Variants in CAD observed in about 807,000 individuals in gnomAD.
CAD encodes the protein carbamoyl-phosphate synthetase 2, aspartate transcarbamylase, and dihydroorotase.
CAD carries 81 observed loss-of-function variants against 237.2 expected under a neutral mutation model. The observed-to-expected ratio is 0.34, with a 90% CI of 0.29 to 0.41. CAD has a LOEUF of 0.41. Ranked by LOEUF, CAD falls within the 10% of genes least tolerant of loss-of-function variation. CAD has a pLI of 1.00. For synonymous variants in CAD, 1,196 were observed against 1,162.8 expected, an observed-to-expected ratio of 1.03 and a Z score of -0.58; for missense variants, 2,181 against 2,951.7, an observed-to-expected ratio of 0.74 and a Z score of 6.05.
At position 27,222,728 on chromosome 2, in the gene CAD, A is replaced by G. The variant is rs148923622; in HGVS notation, c.637+68A>G. 1.1e-3 allele frequency: 1,789 copies of G among 1,591,662 alleles called. 14 individuals are homozygous for G. The African/African-American group carries it at 0.02, about 18-fold the overall frequency. On this transcript the variant is annotated intron_variant, in intron 5 of 43. Coordinates refer to ENST00000264705, the MANE Select transcript of CAD (RefSeq NM_004341.5). ...GGGTGGAAGATCTATCCCTTGGTCCAATTGCTAAAAGTCAGTAGGAGTTGC... is the reference window on the plus strand; with the variant it reads ...GGGTGGAAGATCTATCCCTTGGTCCGATTGCTAAAAGTCAGTAGGAGTTGC...
chr2:27,217,874 C>T lies in CAD; in HGVS notation c.83-3C>T, dbSNP rs151119882. On this transcript the variant is annotated splice_polypyrimidine_tract_variant and splice_region_variant and intron_variant, in intron 1 of 43. Transcript: ENST00000264705. ...GGAGCCCAGCCCTGCTTCTTTCTTGCAGTGTTTCAAACCGGCATGGTCGGC... is the reference window on the plus strand; with the variant it reads ...GGAGCCCAGCCCTGCTTCTTTCTTGTAGTGTTTCAAACCGGCATGGTCGGC... 1.6e-3 allele frequency: 2,582 copies of T among 1,597,026 alleles called. 6 individuals carry two copies. The highest frequency in any genetic ancestry group is 1.9e-3 in the Non-Finnish European group (2,263 of 1,172,048).
chr2:27,225,978 G>A (rs764568006), intron 12 of CAD, 52 bp downstream of exon 12: 1 of 1,569,206 alleles, frequency 6.4e-7, no homozygotes, highest in Admixed American at 1.7e-5. Flanking sequence ...TGAGCTTTTG[G>A]AAGAGCAGAG....
chr2:27,222,636 T>G lies in CAD; in HGVS notation c.613T>G (p.Trp205Gly). The G allele has an allele frequency of 6.2e-7, 1 of 1,614,050 alleles. No individual in the cohort carries two copies. The highest frequency in any genetic ancestry group is 8.5e-7 in the Non-Finnish European group (1 of 1,179,944). ...TGGGGCTGAGGTCACTGTGGTACCC[T>G]GGGACCATGCACTAGACAGCCAAGG... ...QRGAEVTVVP[W>G]DHALDSQEYE... The change falls in exon 5 of 44, where the codon TGG becomes GGG. Residue 205 changes from tryptophan (W) to glycine (G), a missense_variant. Physicochemically the swap from Trp to Gly is radical, Grantham distance 184 (BLOSUM62 -2). Transcript: ENST00000264705.
Position 27,237,228 on chromosome 2 carries a change from T to G in CAD, c.4397-151T>G, listed in dbSNP as rs1019992585. The G allele has an allele frequency of 8.1e-6, 6 of 737,232 alleles. No individual in the cohort carries two copies. The African/African-American group carries it at 1.1e-4, about 13-fold the overall frequency. 45.7% of individuals were successfully genotyped at this position (737,232 alleles called of 1,614,324 possible). A position where few individuals can be genotyped will look rare whatever the true frequency, so the allele number is the denominator to read the frequency against. ...TAGTAGAGACGGGGTTTCACCATGT[T>G]GGTCAGGTTGGTCTCGAACTCCTGA... On this transcript the variant is annotated intron_variant, in intron 27 of 43. Coordinates refer to ENST00000264705, the MANE Select transcript of CAD (RefSeq NM_004341.5). This position sits in a 1 kb window ranked among gnomAD's most constrained non-coding sequence, Gnocchi z 4.0.
At position 27,231,531 on chromosome 2, in the gene CAD, A is replaced by G; in HGVS notation, c.2351A>G (p.Asp784Gly). 1 of 1,613,874 alleles carries G rather than the reference A, an allele frequency of 6.2e-7. No homozygotes were observed. Among genetic ancestry groups the G allele is most frequent in the South Asian group, 1.1e-5 (1 of 91,078 alleles). The part of the protein sequence containing the change: ...EAFQKALRMV[D>G]ENCVGFDHTV... ...TTCCAGAAGGCCCTGCGCATGGTGGATGAGAACTGTGTGGGCTTTGATCAC... is the reference window on the plus strand; with the variant it reads ...TTCCAGAAGGCCCTGCGCATGGTGGGTGAGAACTGTGTGGGCTTTGATCAC... The change falls in exon 16 of 44, where the codon GAT becomes GGT. Residue 784 changes from aspartate (D) to glycine (G), a missense_variant. Physicochemically the swap from Asp to Gly is moderately conservative, Grantham distance 94. Coordinates refer to ENST00000264705, the MANE Select transcript of CAD (RefSeq NM_004341.5).
At position 27,238,104 on chromosome 2, in the gene CAD, C is replaced by A. The variant is rs1211999402; in HGVS notation, c.4777C>A (p.Gln1593Lys). The change falls in exon 30 of 44, where the codon CAG (glutamine) becomes AAG (lysine). Residue 1593 changes from glutamine (Q) to lysine (K), a missense_variant. Coordinates refer to ENST00000264705, the MANE Select transcript of CAD (RefSeq NM_004341.5). ...CCTCCCCATTGTGGCTCACGCAGAG[C>A]AGCAAACCGTGGCTGCTGTCCTCAT... ...SHLPIVAHAEQQTVAAVLMVA... is the reference protein window; with the variant it reads ...SHLPIVAHAEKQTVAAVLMVA... 2 of 1,614,192 alleles carry A rather than the reference C, an allele frequency of 1.2e-6. No homozygotes were observed. The highest frequency in any genetic ancestry group is 1.7e-5 in the Admixed American group (1 of 60,024).
In CAD at chr2:27,217,378, T is replaced by A. The variant is rs1380260790; in HGVS notation, c.-174T>A. ...GTGTCCGCGCCGCCGCAGTCTCTGC[T>A]GCTGCCGCCAAGCGCGCCCGAGGCT... On this transcript the variant is annotated 5_prime_UTR_variant, in exon 1 of 44. Transcript: ENST00000264705. 8.0e-6 allele frequency: 5 copies of A among 624,616 alleles called. No homozygotes were observed. Among genetic ancestry groups the A allele is most frequent in the Non-Finnish European group, 1.4e-5 (5 of 350,258 alleles). The allele number at this position is 624,616 out of a possible 1,614,324, so 38.7% of individuals were successfully genotyped here. A position where few individuals can be genotyped will look rare whatever the true frequency, so the allele number is the denominator to read the frequency against.
In CAD at chr2:27,217,737, C is replaced by T. The variant is rs569952385; in HGVS notation, c.82+104C>T. On this transcript the variant is annotated intron_variant, in intron 1 of 43. Coordinates refer to ENST00000264705, the MANE Select transcript of CAD (RefSeq NM_004341.5). ...CCGCCATTTTCCCGCCAGCGTACCC[C>T]CTTCCCCCATTCGGTGCCCATGGGC... 15 of 1,432,552 alleles carry T rather than the reference C, an allele frequency of 1.0e-5. No homozygotes were observed. In the East Asian group the frequency reaches 2.4e-4, roughly 23 times the overall value. The allele number at this position is 1,432,552 out of a possible 1,614,324, so 88.7% of individuals were successfully genotyped here.
chr2:27,233,086 C>A lies in CAD; in HGVS notation c.2937C>A (p.Val979=). The A allele has an allele frequency of 6.2e-7, 1 of 1,613,658 alleles. No homozygotes were observed. The highest frequency in any genetic ancestry group is 1.1e-5 in the South Asian group (1 of 91,040). Residue 979 remains valine (V), a synonymous_variant, in exon 19 of 44, where the codon GTC becomes GTA. Transcript: ENST00000264705. This position sits in a 1 kb window ranked among gnomAD's most constrained non-coding sequence, Gnocchi z 6.3. ...TGGTGAACTATAACCCAGAGACAGT[C>A]AGCACCGACTATGACATGTGTGATC... ...TIMVNYNPET[V]STDYDMCDRL...
In CAD at chr2:27,218,740, C is replaced by A. The variant is rs73921474; in HGVS notation, c.222+724C>A. On this transcript the variant is annotated intron_variant, in intron 2 of 43. Transcript: ENST00000264705. ...TCTGAAATTTGGAAACTAAGTTGCC[C>A]TCTGACAGTTCAAGCATTAAAAAAA... Among the ~76,000 whole-genome samples the A allele has an allele frequency of 2.1e-3, 319 of 152,136 alleles. 1 individual carries two copies. The highest frequency in any genetic ancestry group is 7.4e-3 in the African/African-American group (305 of 41,474).
chr2:27,224,711 A>G, intron 9 of CAD, 34 bp from the exon 10 acceptor site: 2 of 1,614,066 alleles, frequency 1.2e-6, no homozygotes, highest in East Asian at 2.2e-5. Context: ...TTGCTTCTTC[A>G]GCAGAGGCTG....
rs953462855 is a variant in CAD at position 27,242,131 on chromosome 2, C to T, written c.6096+8C>T. The T allele has an allele frequency of 1.9e-6, 3 of 1,611,864 alleles. No homozygotes were observed. Among genetic ancestry groups the T allele is most frequent in the Non-Finnish European group, 2.5e-6 (3 of 1,179,570 alleles). On this transcript the variant is annotated splice_region_variant and intron_variant, in intron 39 of 43. Transcript: ENST00000264705. This position sits in a 1 kb window ranked among gnomAD's most constrained non-coding sequence, Gnocchi z 6.4. ...CAGCCTGGAGCAGTGGAGGTGAGGCCAGCCTGGGTACTGAGATGGGGTTAA... is the reference window on the plus strand; with the variant it reads ...CAGCCTGGAGCAGTGGAGGTGAGGCTAGCCTGGGTACTGAGATGGGGTTAA...
At chr2:27,231,913 G>A in intron 16 of CAD, 67 bp from the exon 17 acceptor site, 1 of 1,591,880 alleles carries the variant, frequency 6.3e-7, no homozygotes, top group Non-Finnish European at 8.6e-7. Context: ...GACAAGAGCA[G>A]CTACTTACGC....
In CAD at chr2:27,242,904, T is replaced by C; in HGVS notation, c.6411T>C (p.Pro2137=). The change falls in exon 42 of 44, where the codon CCT becomes CCC. Residue 2137 remains proline, a synonymous_variant. Coordinates refer to ENST00000264705, the MANE Select transcript of CAD (RefSeq NM_004341.5). This position sits in a 1 kb window ranked among gnomAD's most constrained non-coding sequence, Gnocchi z 6.4. The part of the protein sequence containing the change: ...EEFESIEEAL[P]DTDVLYMTRI... ...TCGAGAGCATTGAGGAGGCGCTGCC[T>C]GACACTGATGTGCTCTACATGACTC... 1 of 1,614,018 alleles carries C rather than the reference T, an allele frequency of 6.2e-7. No homozygotes were observed.
chr2:27,241,288 A>C lies in CAD; in HGVS notation c.5809-34A>C. 6.2e-7 allele frequency: 1 copy of C among 1,614,068 alleles called. No individual in the cohort carries two copies. Among genetic ancestry groups the C allele is most frequent in the Non-Finnish European group, 8.5e-7 (1 of 1,179,954 alleles). On this transcript the variant is annotated intron_variant, in intron 37 of 43. Transcript: ENST00000264705. The surrounding 1 kb of genome is among the most constrained non-coding windows in gnomAD (Gnocchi z 4.6). Reference sequence around the variant, plus strand: ...TTTGAGGATTTGGAAAGCTGGGGCTAGGACCTTTCTAGCTAACTTGGGCTC... The same window carrying C: ...TTTGAGGATTTGGAAAGCTGGGGCTCGGACCTTTCTAGCTAACTTGGGCTC...
Position 27,242,058 on chromosome 2 carries a change from G to T in CAD, c.6031G>T (p.Val2011Leu), listed in dbSNP as rs777321120. ...GAAGGGCGAATCCCTGGCTGACTCC[G>T]TGCAGACCATGAGCTGCTATGCCGA... The part of the protein sequence containing the change: ...VQKGESLADS[V>L]QTMSCYADVV... The change falls in exon 39 of 44, where the codon GTG becomes TTG. Residue 2011 changes from valine to leucine, a missense_variant. Physicochemically the swap from Val to Leu is conservative, Grantham distance 32. Coordinates refer to ENST00000264705, the MANE Select transcript of CAD (RefSeq NM_004341.5). This position sits in a 1 kb window ranked among gnomAD's most constrained non-coding sequence, Gnocchi z 6.4. 6.2e-7 allele frequency: 1 copy of T among 1,613,334 alleles called. No individual in the cohort carries two copies. The highest frequency in any genetic ancestry group is 8.5e-7 in the Non-Finnish European group (1 of 1,180,024).
In CAD at chr2:27,242,005, G is replaced by A. The variant is rs1432927974; in HGVS notation, c.5978G>A (p.Ser1993Asn). The A allele has an allele frequency of 6.2e-7, 1 of 1,613,230 alleles. No individual in the cohort carries two copies. Among genetic ancestry groups the A allele is most frequent in the Non-Finnish European group, 8.5e-7 (1 of 1,180,046 alleles). ...AMARLGGAVL[S>N]FSEATSSVQK... Reference sequence around the variant, plus strand: ...GCCCGGCTGGGAGGTGCTGTGCTCAGCTTCTCGGAAGCCACATCGTCCGTC... The same window carrying A: ...GCCCGGCTGGGAGGTGCTGTGCTCAACTTCTCGGAAGCCACATCGTCCGTC... The change falls in exon 39 of 44, where the codon AGC becomes AAC. Residue 1993 changes from serine to asparagine, a missense_variant. Transcript: ENST00000264705. The surrounding 1 kb of genome is among the most constrained non-coding windows in gnomAD (Gnocchi z 6.4).
chr2:27,224,921 G>C (rs2148063973), intron 10 of CAD, 45 bp downstream of exon 10: 4 of 1,611,718 alleles, frequency 2.5e-6, no homozygotes, highest in East Asian at 2.2e-5. Context: ...CTGGGCAGGG[G>C]GGCCCAGTGG....
intron 2 of CAD, 127 bp downstream of exon 2, chr2:27,218,143 T>C (rs1674963733): frequency 3.8e-6 from 3 of 787,842 alleles, no homozygotes; most frequent in Non-Finnish European, 5.8e-6. Flanking sequence ...AGTAGTAAAG[T>C]CAAGGACTAA....
Sources: allele counts gnomAD v4.1 joint callset (sites outside exome capture counted in the v4.1 genomes callset), GRCh38; gene constraint gnomAD v4.1.1; non-coding constraint Gnocchi (gnomAD v3.1); transcripts MANE v1.5; gene names NCBI Gene and HGNC (gene_info 2026-07-23, HGNC 2026-07-21).